SMARCA5: variants seen among roughly 807,000 people sequenced by gnomAD.
SMARCA5 encodes SNF2 related chromatin remodeling ATPase 5, also known as SWI/SNF-related matrix-associated actin-dependent regulator of chromatin subfamily A member 5.
SMARCA5 carries 18 observed loss-of-function variants against 140.4 expected under a neutral mutation model. The ratio of observed to expected loss-of-function variants is 0.13; its 90% CI spans 0.09 to 0.19. SMARCA5 has a LOEUF of 0.19. Among genes scored for constraint, SMARCA5 ranks in the 10% least tolerant of loss-of-function variants. SMARCA5 has a pLI of 1.00. For synonymous variants in SMARCA5, 449 were observed against 419.6 expected (o/e 1.07, Z -0.86); for missense variants, 606 against 1,276.8 (o/e 0.47, Z 8.01).
chr4:143,547,565 G>A (rs1048629896), intron 21 of SMARCA5, 62 bp downstream of exon 21: 1 of 859,304 alleles, frequency 1.2e-6, no homozygotes, highest in Non-Finnish European at 1.9e-6. Flanking sequence ...GAGTATGAGA[G>A]AGTGACTTTT....
In SMARCA5 at chr4:143,524,487, T is replaced by A. The variant is rs746048590; in HGVS notation, c.520+20T>A. 6.5e-7 allele frequency: 1 copy of A among 1,544,514 alleles called. No individual in the cohort carries two copies. The highest frequency in any genetic ancestry group is 2.3e-5 in the East Asian group (1 of 44,340). On this transcript the variant is annotated intron_variant, in intron 4 of 23. Coordinates refer to ENST00000283131, the MANE Select transcript of SMARCA5 (RefSeq NM_003601.4). ...CATCGTGTATGTTAAACACACTTGA[T>A]TTTTTTAAAAAATTGCCCTTTGAGA...
At chr4:143,547,894 G>A in intron 21 of SMARCA5, 34 bp from the exon 22 acceptor site, 2 of 1,219,310 alleles carry the variant, frequency 1.6e-6, no homozygotes, top group African/African-American at 1.5e-5. Context: ...TATAGGATTT[G>A]TATTTTATAT....
At chr4:143,529,946 C>T (rs1337616384) in intron 8 of SMARCA5, among the ~76,000 whole-genome samples, 1 of 152,058 alleles carries the variant, frequency 6.6e-6, no homozygotes. Context: ...AAACAAAGCA[C>T]ATATATAATA....
chr4:143,522,518 C>T (rs1378152584), intron 3 of SMARCA5, among the ~76,000 whole-genome samples: 1 of 152,178 alleles, frequency 6.6e-6, no homozygotes, highest in African/African-American at 2.4e-5. Context: ...GAAGTATGAT[C>T]TTCATCTTGA....
intron 14 of SMARCA5, among the ~76,000 whole-genome samples, chr4:143,541,927 G>A (rs374307282): frequency 6.6e-6 from 1 of 151,216 alleles, no homozygotes; most frequent in Non-Finnish European, 1.5e-5. Context: ...GCACGATCTC[G>A]GCTCACTGCA....
intron 22 of SMARCA5, 182 bp downstream of exon 22, chr4:143,548,322 T>TA (rs1176490917): frequency 6.9e-6 from 3 of 433,598 alleles, no homozygotes; most frequent in African/African-American, 4.0e-5. Flanking sequence ...TTTAGTATCT[T>TA]ACGTCTTTAA....
At position 143,554,987 on chromosome 4, in the gene SMARCA5, T is replaced by G. The variant is rs1737717755; in HGVS notation, c.*1803T>G. 4.2e-6 allele frequency: 2 copies of G among 470,910 alleles called. No individual in the cohort carries two copies. Among genetic ancestry groups the G allele is most frequent in the Non-Finnish European group, 4.0e-6 (1 of 247,042 alleles). 29.2% of individuals were successfully genotyped at this position (470,910 alleles called of 1,614,324 possible). ...AACCAGCTAGGCCCTGCCACCACTG[T>G]GTTTGGCCAAGTTCACAAATCTGTT... On this transcript the variant is annotated 3_prime_UTR_variant, in exon 24 of 24. Transcript: ENST00000283131.
chr4:143,540,712 A>G (rs543380219), intron 14 of SMARCA5, among the ~76,000 whole-genome samples: 270 of 152,334 alleles, frequency 1.8e-3, no homozygotes, highest in Non-Finnish European at 3.4e-3. Flanking sequence ...TGAGTCTGCC[A>G]GTTAGCAGTT....
At chr4:143,542,446 A>G (rs747895176) in intron 14 of SMARCA5, among the ~76,000 whole-genome samples, 1 of 152,178 alleles carries the variant, frequency 6.6e-6, no homozygotes, top group Non-Finnish European at 1.5e-5. Context: ...TAGTTTGTAT[A>G]AGCATAAGAA....
chr4:143,545,611 C>A, intron 18 of SMARCA5, 28 bp downstream of exon 18: 6 of 1,258,062 alleles, frequency 4.8e-6, no homozygotes, highest in South Asian at 3.8e-5. Context: ...CCTTTCTGTT[C>A]ATTCCTATCC....
At chr4:143,542,595 G>A (rs1737450008) in intron 14 of SMARCA5, among the ~76,000 whole-genome samples, 1 of 152,098 alleles carries the variant, frequency 6.6e-6, no homozygotes, top group South Asian at 2.1e-4. Flanking sequence ...AGAAGTTGTT[G>A]AAAACTTGGA....
chr4:143,554,773 A>G lies in SMARCA5; in HGVS notation c.*1589A>G. The G allele has an allele frequency of 5.6e-6, 1 of 179,796 alleles. No individual in the cohort carries two copies. The highest frequency in any genetic ancestry group is 1.2e-5 in the Non-Finnish European group (1 of 86,248). The allele number at this position is 179,796 out of a possible 1,614,324, so 11.1% of individuals were successfully genotyped here. ...AAGAGTTATCACCTCAGTTTGGAAG[A>G]AATTGAAAAAATGTAAGGCTGAAGA... On this transcript the variant is annotated 3_prime_UTR_variant, in exon 24 of 24. Coordinates refer to ENST00000283131, the MANE Select transcript of SMARCA5 (RefSeq NM_003601.4).
chr4:143,526,234 A>G, intron 5 of SMARCA5, 47 bp from the exon 6 acceptor site: 1 of 1,459,252 alleles, frequency 6.9e-7, no homozygotes, highest in Non-Finnish European at 9.5e-7. Context: ...ATTGTGAAAT[A>G]ATATTTTCAT....
intron 2 of SMARCA5, among the ~76,000 whole-genome samples, chr4:143,517,825 G>A (rs1736871804): frequency 6.6e-6 from 1 of 152,052 alleles, no homozygotes; most frequent in African/African-American, 2.4e-5. Context: ...ATTTGGAGGG[G>A]GACACAGTCA....
intron 3 of SMARCA5, among the ~76,000 whole-genome samples, chr4:143,521,913 A>T (rs1257208807): frequency 6.6e-6 from 1 of 151,590 alleles, no homozygotes; most frequent in Non-Finnish European, 1.5e-5. Flanking sequence ...AAAAAAAAAA[A>T]AAAAGAATAA....
rs536523117 is a variant in SMARCA5, at chr4:143,531,177, G to C, written c.1158+651G>C. 2.0e-5 allele frequency among the ~76,000 whole-genome samples: 3 copies of C among 152,282 alleles called. No homozygotes were observed. The South Asian group carries it at 6.2e-4, about 32-fold the overall frequency. ...TTACATTCCATGGAAGAATCTAACA[G>C]GTTCACTTTTGAAAGGGCTAAAGAT... On this transcript the variant is annotated intron_variant, in intron 9 of 23. Coordinates refer to ENST00000283131, the MANE Select transcript of SMARCA5 (RefSeq NM_003601.4).
At chr4:143,539,992 A>G (rs1010625975) in intron 13 of SMARCA5, among the ~76,000 whole-genome samples, 1 of 152,222 alleles carries the variant, frequency 6.6e-6, no homozygotes, top group Admixed American at 6.5e-5. Context: ...TAATTGGGTA[A>G]TATTTAAAGG....
chr4:143,534,373 GT>G, intron 9 of SMARCA5, among the ~76,000 whole-genome samples: 1 of 152,052 alleles, frequency 6.6e-6, no homozygotes, highest in South Asian at 2.1e-4. Context: ...ATATCCATAG[GT>G]TCCACATCCA....
At chr4:143,516,628 T>C (rs966571595) in intron 1 of SMARCA5, among the ~76,000 whole-genome samples, 2 of 152,210 alleles carry the variant, frequency 1.3e-5, no homozygotes, top group African/African-American at 2.4e-5. Flanking sequence ...TCCAGTACCG[T>C]ACCAGATCTC....
Sources: allele counts gnomAD v4.1 joint callset (sites outside exome capture counted in the v4.1 genomes callset), GRCh38; gene constraint gnomAD v4.1.1; transcripts MANE v1.5; gene names NCBI Gene and HGNC (gene_info 2026-07-23, HGNC 2026-07-21).